The following PCNX1 variants were observed in gnomAD, a reference collection of about 807,000 sequenced individuals.
The protein encoded by PCNX1 is pecanex-like protein 1.
PCNX1 carries 78 observed loss-of-function variants against 242.2 expected under a neutral mutation model. That is an observed-to-expected ratio of 0.32 (90% CI 0.27 to 0.39). PCNX1 has a LOEUF of 0.39. Among genes scored for constraint, PCNX1 ranks in the 10% least tolerant of loss-of-function variants. The pLI, the probability that PCNX1 is intolerant of heterozygous loss-of-function variation, is 1.00. For synonymous variants in PCNX1, 1,024 were observed against 1,032.9 expected, an observed-to-expected ratio of 0.99 and a Z score of 0.17; for missense variants, 2,581 against 2,856.5, an observed-to-expected ratio of 0.90 and a Z score of 2.20.
Position 70,984,587 on chromosome 14 carries a change from C to T in PCNX1, c.2312-3980C>T, listed in dbSNP as rs148345354. 8.1e-3 allele frequency among the ~76,000 whole-genome samples: 1,225 copies of T among 151,316 alleles called. 50 individuals carry two copies. Among genetic ancestry groups the T allele is most frequent in the Non-Finnish European group, 0.011 (757 of 67,498 alleles). On this transcript the variant is annotated intron_variant, in intron 6 of 35. Transcript: ENST00000304743. ...ATTTTTAGTAGAGACGGGGTTTCAC[C>T]GTGTTAGCCAGGATGGTCTCAGTCT...
intron 13 of PCNX1, among the ~76,000 whole-genome samples, chr14:71,025,752 C>A (rs1370432069): frequency 6.6e-6 from 1 of 152,176 alleles, no homozygotes; most frequent in East Asian, 1.9e-4. Flanking sequence ...GCCTGTAGTC[C>A]CAGCTACTTG....
intron 7 of PCNX1, among the ~76,000 whole-genome samples, chr14:70,993,771 G>C (rs1488651086): frequency 1.3e-5 from 2 of 152,048 alleles, no homozygotes; most frequent in Non-Finnish European, 2.9e-5. Context: ...ACAGGGACGT[G>C]GTACCTGAAC....
chr14:71,041,206 T>C (rs2060693943), intron 19 of PCNX1, among the ~76,000 whole-genome samples: 1 of 152,196 alleles, frequency 6.6e-6, no homozygotes, highest in Non-Finnish European at 1.5e-5. Flanking sequence ...TTGGGATTGC[T>C]GGATAATATG....
chr14:71,057,625 T>G lies in PCNX1; in HGVS notation c.4753T>G (p.Cys1585Gly). Residue 1585 changes from cysteine to glycine, a missense_variant, in exon 26 of 36, where the codon TGT (cysteine) becomes GGT (glycine). Physicochemically the swap from Cys to Gly is radical, Grantham distance 159. Coordinates refer to ENST00000304743, the MANE Select transcript of PCNX1 (RefSeq NM_014982.3). ...GRWGNYSTGD[C>G]FILASDYLNA... ...GTGGGGAAACTACAGTACAGGGGACTGTTTCATCCTTGCCTCTGACTATCT... is the reference window on the plus strand; with the variant it reads ...GTGGGGAAACTACAGTACAGGGGACGGTTTCATCCTTGCCTCTGACTATCT... 1 of 1,613,808 alleles carries G rather than the reference T, an allele frequency of 6.2e-7. No individual in the cohort carries two copies. Among genetic ancestry groups the G allele is most frequent in the Admixed American group, 1.7e-5 (1 of 60,030 alleles).
At chr14:71,074,703 T>C (rs1437950394) in intron 27 of PCNX1, among the ~76,000 whole-genome samples, 1 of 152,144 alleles carries the variant, frequency 6.6e-6, no homozygotes, top group Non-Finnish European at 1.5e-5. Flanking sequence ...ATGCTGATAC[T>C]GTGTGGCTCT....
chr14:71,053,359 G>T, intron 24 of PCNX1: 1 of 437,360 alleles, frequency 2.3e-6, no homozygotes, highest in Non-Finnish European at 4.5e-6. Flanking sequence ...TGCAACCTCC[G>T]CCTCCCGGAG....
chr14:71,055,651 C>A lies in PCNX1; in HGVS notation c.4636+89C>A, dbSNP rs369399190. On this transcript the variant is annotated intron_variant, in intron 25 of 35. Coordinates refer to ENST00000304743, the MANE Select transcript of PCNX1 (RefSeq NM_014982.3). ...TATTCACTCCTAACTTGTTGGGAAT[C>A]CTCTATGAATCCCAAATATTCACTT... The A allele has an allele frequency of 1.4e-5, 10 of 707,282 alleles. No individual in the cohort carries two copies. The African/African-American group carries it at 1.4e-4, about 10-fold the overall frequency. The allele number at this position is 707,282 out of a possible 1,614,324, so 43.8% of individuals were successfully genotyped here.
chr14:71,068,107 A>G (rs1017427321), intron 26 of PCNX1, among the ~76,000 whole-genome samples: 2 of 152,072 alleles, frequency 1.3e-5, no homozygotes, highest in African/African-American at 4.8e-5. Flanking sequence ...CGGGTGGATC[A>G]TCTGAGGTTT....
Position 70,977,231 on chromosome 14 carries a change from G to A in PCNX1, c.894G>A (p.Leu298=). 1.2e-6 allele frequency: 2 copies of A among 1,614,194 alleles called. No homozygotes were observed. The highest frequency in any genetic ancestry group is 2.2e-5 in the South Asian group (2 of 91,076). The change falls in exon 6 of 36, where the codon CTG becomes CTA. Residue 298 remains leucine, a synonymous_variant. Coordinates refer to ENST00000304743, the MANE Select transcript of PCNX1 (RefSeq NM_014982.3). ...SSAVAFPDTS[L]NDFPLYQQRR... ...CTGTGGCTTTTCCAGACACTTCACT[G>A]AATGATTTTCCCCTTTATCAGCAAA...
At chr14:70,940,281 C>G (rs1474480356) in intron 1 of PCNX1, among the ~76,000 whole-genome samples, 4 of 152,116 alleles carry the variant, frequency 2.6e-5, no homozygotes, top group Admixed American at 2.6e-4. Flanking sequence ...TTGTTCCTTT[C>G]CATGTTTAGT....
chr14:71,075,167 T>A (rs2061685105), intron 27 of PCNX1, among the ~76,000 whole-genome samples: 1 of 151,892 alleles, frequency 6.6e-6, no homozygotes, highest in African/African-American at 2.4e-5. Flanking sequence ...GCTAATTTTT[T>A]ATTTTTTTGT....
rs2059439155 is a variant in PCNX1, at chr14:70,999,328, A to G, written c.2629+3403A>G. Reference sequence around the variant, plus strand: ...GATGAGATCAGATAGAACAGGAAACATTGCCTGTGGTTTTTTCTGTGTATG... The same window carrying G: ...GATGAGATCAGATAGAACAGGAAACGTTGCCTGTGGTTTTTTCTGTGTATG... On this transcript the variant is annotated intron_variant, in intron 8 of 35. Coordinates refer to ENST00000304743, the MANE Select transcript of PCNX1 (RefSeq NM_014982.3). 2.6e-5 allele frequency among the ~76,000 whole-genome samples: 4 copies of G among 152,158 alleles called. No homozygotes were observed. The South Asian group carries it at 8.3e-4, about 31-fold the overall frequency.
At chr14:70,947,173 T>A (rs1372327832) in intron 2 of PCNX1, 50 bp downstream of exon 2, 2 of 1,310,260 alleles carry the variant, frequency 1.5e-6, no homozygotes, top group South Asian at 2.5e-5. Flanking sequence ...GATTGTGTTA[T>A]CTGTATAATG....
chr14:70,907,979 G>A lies in PCNX1; in HGVS notation c.129G>A (p.Leu43=), dbSNP rs1451402540. ...ALHLYLWLFL[L]GLPFTLYMAL... ...ACCTCTACCTGTGGCTCTTTCTGCT[G>A]GGCCTGCCCTTCACCCTCTACATGG... Residue 43 remains leucine, a synonymous_variant, in exon 1 of 36, where the codon CTG becomes CTA. Transcript: ENST00000304743. 1.9e-6 allele frequency: 3 copies of A among 1,597,896 alleles called. No homozygotes were observed. Among genetic ancestry groups the A allele is most frequent in the East Asian group, 2.4e-5 (1 of 42,114 alleles).
chr14:71,065,056 G>GAACACAA (rs2061415099), intron 26 of PCNX1, among the ~76,000 whole-genome samples: 2 of 152,152 alleles, frequency 1.3e-5, no homozygotes, highest in Admixed American at 6.5e-5. Context: ...CTTTGCTGTT[G>GAACACAA]TTAACAGTGC....
intron 31 of PCNX1, 55 bp downstream of exon 31, chr14:71,102,275 C>T: frequency 7.1e-7 from 1 of 1,412,644 alleles, no homozygotes; most frequent in Non-Finnish European, 9.9e-7. Context: ...ATAACTTGAT[C>T]TAAAATTTTT....
chr14:70,926,007 G>A (rs971839159), intron 1 of PCNX1, among the ~76,000 whole-genome samples: 4 of 152,138 alleles, frequency 2.6e-5, no homozygotes, highest in African/African-American at 4.8e-5. Flanking sequence ...CTTTTTCAGT[G>A]TATTCCGGGA....
chr14:71,098,553 T>TGTGTGTGAGAGAGAGAGAGA (rs60367565), intron 30 of PCNX1, among the ~76,000 whole-genome samples: 25 of 125,730 alleles, frequency 2.0e-4, no homozygotes, highest in African/African-American at 7.3e-4. Flanking sequence ...TGTGTGTGTG[T>TGTGTGTGAGAGAGAGAGAGA]GAGAGAGAGA....
In PCNX1 at chr14:71,086,253, T is replaced by A. The variant is rs376492292; in HGVS notation, c.5338-2077T>A. On this transcript the variant is annotated intron_variant, in intron 28 of 35. Coordinates refer to ENST00000304743, the MANE Select transcript of PCNX1 (RefSeq NM_014982.3). ...GCTTATGGAATATAGTTAAAATAGT[T>A]GTTTTAATATCCTTGTGGGTTAAGC... Among the ~76,000 whole-genome samples, 539 of 152,344 alleles carry A rather than the reference T, an allele frequency of 3.5e-3. 1 individual carries two copies. The highest frequency in any genetic ancestry group is 0.013 in the African/African-American group (523 of 41,574).
Sources: allele counts gnomAD v4.1 joint callset (sites outside exome capture counted in the v4.1 genomes callset), GRCh38; gene constraint gnomAD v4.1.1; transcripts MANE v1.5; gene names NCBI Gene and HGNC (gene_info 2026-07-23, HGNC 2026-07-21).